The following RABGAP1L variants were observed in gnomAD, a reference collection of about 807,000 sequenced individuals.
The protein encoded by RABGAP1L is RAB GTPase activating protein 1 like, also known as rab GTPase-activating protein 1-like.
In RABGAP1L, 63 loss-of-function variants were observed where a neutral mutation model predicts 137.7. The ratio of observed to expected loss-of-function variants is 0.46; its 90% CI spans 0.37 to 0.56. The LOEUF is 0.56. RABGAP1L is among the 20% of genes least tolerant of loss of function. The pLI is 0.00. For missense variants in RABGAP1L, 1,095 were observed against 1,244.0 expected (o/e 0.88, Z 1.80); for synonymous variants, 431 against 433.7 (o/e 0.99, Z 0.08).
intron 13 of RABGAP1L, among the ~76,000 whole-genome samples, chr1:174,419,157 A>G (rs1006656510): frequency 1.3e-5 from 2 of 152,214 alleles, no homozygotes; most frequent in African/African-American, 4.8e-5. Context: ...TGGTTTATTT[A>G]CATTCAGTTT....
intron 14 of RABGAP1L, among the ~76,000 whole-genome samples, chr1:174,657,501 A>C (rs1676049704): frequency 6.6e-6 from 1 of 152,140 alleles, no homozygotes; most frequent in South Asian, 2.1e-4. Flanking sequence ...TGCAGTATTT[A>C]ACTTTCTGTT....
chr1:174,771,082 AG>A (rs1558062045), intron 18 of RABGAP1L, among the ~76,000 whole-genome samples: 1 of 152,202 alleles, frequency 6.6e-6, no homozygotes. Context: ...ATAGGACATG[AG>A]GGTGAGAGTG....
chr1:174,741,374 T>G (rs1191685940), intron 17 of RABGAP1L, among the ~76,000 whole-genome samples: 2 of 152,070 alleles, frequency 1.3e-5, no homozygotes, highest in African/African-American at 4.8e-5. Flanking sequence ...TGTTTTTGTG[T>G]TTTTTTGAGA....
chr1:174,866,606 C>T (rs1651286975), intron 19 of RABGAP1L, among the ~76,000 whole-genome samples: 1 of 152,066 alleles, frequency 6.6e-6, no homozygotes, highest in Non-Finnish European at 1.5e-5. Context: ...TTTGCGAATG[C>T]CTTATATAAT....
intron 19 of RABGAP1L, among the ~76,000 whole-genome samples, chr1:174,891,622 C>G (rs1347116720): frequency 1.3e-5 from 2 of 152,158 alleles, no homozygotes; most frequent in Admixed American, 6.5e-5. Context: ...CCACCTCACC[C>G]TCCCAAGTAG....
At chr1:174,512,643 ATCT>A (rs944725526) in intron 13 of RABGAP1L, among the ~76,000 whole-genome samples, 3 of 152,284 alleles carry the variant, frequency 2.0e-5, no homozygotes, top group Admixed American at 6.5e-5. Context: ...TCTTTCTCTA[ATCT>A]TCTTTAAATT....
At chr1:174,819,818 G>T (rs893346803) in intron 19 of RABGAP1L, among the ~76,000 whole-genome samples, 1 of 152,096 alleles carries the variant, frequency 6.6e-6, no homozygotes, top group African/African-American at 2.4e-5. Flanking sequence ...ATTAAATAAA[G>T]AAAGGGAAAT....
intron 13 of RABGAP1L, among the ~76,000 whole-genome samples, chr1:174,590,191 T>C (rs1185720880): frequency 6.8e-6 from 1 of 146,202 alleles, no homozygotes; most frequent in Non-Finnish European, 1.5e-5. Context: ...AATTACCATG[T>C]CTCAGGTGTT....
chr1:174,345,694 G>A (rs1682367969), intron 11 of RABGAP1L, among the ~76,000 whole-genome samples: 1 of 152,100 alleles, frequency 6.6e-6, no homozygotes. Context: ...TCCAAAGAAA[G>A]ATAATTGGCT....
At chr1:174,921,712 A>C (rs538119734) in intron 19 of RABGAP1L, among the ~76,000 whole-genome samples, 1 of 152,354 alleles carries the variant, frequency 6.6e-6, no homozygotes, top group African/African-American at 2.4e-5. Flanking sequence ...ATTGAACTTT[A>C]TCATGTAGCA....
At chr1:174,362,804 A>G (rs1553282357) in intron 11 of RABGAP1L, among the ~76,000 whole-genome samples, 1 of 152,098 alleles carries the variant, frequency 6.6e-6, no homozygotes, top group Non-Finnish European at 1.5e-5. Context: ...ATTAGATACC[A>G]TTTATCAATT....
At chr1:174,769,852 C>CA (rs573149215) in intron 18 of RABGAP1L, among the ~76,000 whole-genome samples, 59 of 145,368 alleles carry the variant, frequency 4.1e-4, no homozygotes, top group Non-Finnish European at 5.0e-4. Context: ...GACTCCGTCT[C>CA]AAAAAAAAAA....
At chr1:174,396,432 G>C (rs1647860148) in intron 13 of RABGAP1L, among the ~76,000 whole-genome samples, 1 of 151,474 alleles carries the variant, frequency 6.6e-6, no homozygotes, top group African/African-American at 2.4e-5. Context: ...CTAAATTTCT[G>C]TGCTTTATAA....
intron 18 of RABGAP1L, among the ~76,000 whole-genome samples, chr1:174,771,443 C>A (rs907909429): frequency 6.6e-6 from 1 of 151,752 alleles, no homozygotes; most frequent in African/African-American, 2.4e-5. Flanking sequence ...TGTTTAAGTG[C>A]TTGGCTAAAT....
chr1:174,973,212 G>C (rs913275266), intron 21 of RABGAP1L, among the ~76,000 whole-genome samples: 2 of 152,088 alleles, frequency 1.3e-5, no homozygotes, highest in Non-Finnish European at 2.9e-5. Flanking sequence ...TGTTGTATAT[G>C]GTAACAGTAG....
At chr1:174,533,104 C>T (rs1374590738) in intron 13 of RABGAP1L, among the ~76,000 whole-genome samples, 1 of 152,118 alleles carries the variant, frequency 6.6e-6, no homozygotes, top group Non-Finnish European at 1.5e-5. Flanking sequence ...CGTGGTGGGG[C>T]ACTCTTGTAA....
chr1:174,249,374 A>G (rs1397957889), intron 5 of RABGAP1L, among the ~76,000 whole-genome samples: 1 of 152,128 alleles, frequency 6.6e-6, no homozygotes, highest in African/African-American at 2.4e-5. Flanking sequence ...TGAAGAGAGA[A>G]CTTGGAGACT....
At chr1:174,307,997 T>C (rs1370934864) in intron 11 of RABGAP1L, among the ~76,000 whole-genome samples, 1 of 152,082 alleles carries the variant, frequency 6.6e-6, no homozygotes, top group African/African-American at 2.4e-5. Context: ...TTTTTGGTAA[T>C]AGCCGTTTTA....
intron 13 of RABGAP1L, among the ~76,000 whole-genome samples, chr1:174,515,459 A>G (rs767403037): frequency 3.4e-5 from 5 of 147,742 alleles, no homozygotes; most frequent in Non-Finnish European, 7.6e-5. Flanking sequence ...TTGATTTTCT[A>G]GCTTATCTGC....
Sources: gnomAD v4.1 joint callset for allele counts (sites outside exome capture counted in the v4.1 genomes callset) on GRCh38, gnomAD v4.1.1 for gene constraint, MANE v1.5 for transcripts, NCBI Gene and HGNC (gene_info 2026-07-23, HGNC 2026-07-21) for gene names.